CTDSPL2: variants seen among roughly 807,000 people sequenced by gnomAD.
The protein encoded by CTDSPL2 is CTD small phosphatase like 2, also known as CTD small phosphatase-like protein 2.
A neutral mutation model predicts 60.0 loss-of-function variants in CTDSPL2; 5 were observed. That is an observed-to-expected ratio of 0.08 (90% confidence interval 0.04 to 0.18). CTDSPL2 has a LOEUF of 0.18. CTDSPL2 is among the 10% of genes least tolerant of loss of function. CTDSPL2 has a pLI of 1.00. For synonymous variants in CTDSPL2, 186 were observed against 189.3 expected (o/e 0.98, Z 0.14); for missense variants, 370 against 548.8 (o/e 0.67, Z 3.26).
At chr15:44,451,241 G>C (rs1331036900) in intron 1 of CTDSPL2, among the ~76,000 whole-genome samples, 1 of 151,982 alleles carries the variant, frequency 6.6e-6, no homozygotes, top group East Asian at 1.9e-4. Context: ...GCTGAGACTA[G>C]AGGTGTGCAC....
chr15:44,471,775 C>A (rs2080815647), intron 2 of CTDSPL2, among the ~76,000 whole-genome samples: 1 of 152,036 alleles, frequency 6.6e-6, no homozygotes, highest in Admixed American at 6.6e-5. Context: ...TAAATTTCCC[C>A]TTCCTCTCTA....
chr15:44,437,298 G>T (rs545502075), intron 1 of CTDSPL2, among the ~76,000 whole-genome samples: 1 of 152,174 alleles, frequency 6.6e-6, no homozygotes, highest in Non-Finnish European at 1.5e-5. Context: ...AATTTGTTGA[G>T]AATTCTTCAT....
At chr15:44,429,455 T>C (rs1273660897) in intron 1 of CTDSPL2, among the ~76,000 whole-genome samples, 1 of 152,228 alleles carries the variant, frequency 6.6e-6, no homozygotes, top group Non-Finnish European at 1.5e-5. Flanking sequence ...TTAATAAAAA[T>C]TAGTTTGCAG....
At chr15:44,431,426 AT>A (rs1280341510) in intron 1 of CTDSPL2, among the ~76,000 whole-genome samples, 1 of 152,246 alleles carries the variant, frequency 6.6e-6, no homozygotes, top group African/African-American at 2.4e-5. Context: ...ACTATATTAA[AT>A]TGTAATTGGA....
At chr15:44,447,083 T>G (rs1217672607) in intron 1 of CTDSPL2, among the ~76,000 whole-genome samples, 2 of 152,226 alleles carry the variant, frequency 1.3e-5, no homozygotes, top group Admixed American at 6.5e-5. Context: ...TTATTTATAT[T>G]GAAATTATGT....
intron 2 of CTDSPL2, among the ~76,000 whole-genome samples, chr15:44,469,136 T>C (rs2080755236): frequency 6.6e-6 from 1 of 152,198 alleles, no homozygotes; most frequent in Non-Finnish European, 1.5e-5. Flanking sequence ...TAGGTGTATA[T>C]ATATGGAGGA....
rs528408818 is a variant in CTDSPL2 at position 44,466,000 on chromosome 15, T to C, written c.186+6800T>C. ...CCCAGGCTGGAGTGCAGTGGGACCA[T>C]GTTGGCTCACTGCAACCTCCATCTC... On this transcript the variant is annotated intron_variant, in intron 2 of 12. Coordinates refer to ENST00000260327, the MANE Select transcript of CTDSPL2 (RefSeq NM_016396.3). Among the ~76,000 whole-genome samples, 3 of 151,888 alleles carry C rather than the reference T, an allele frequency of 2.0e-5. No homozygotes were observed. The South Asian group carries it at 6.2e-4, about 32-fold the overall frequency.
At chr15:44,493,801 A>C (rs1487891582) in intron 5 of CTDSPL2, among the ~76,000 whole-genome samples, 7 of 152,224 alleles carry the variant, frequency 4.6e-5, no homozygotes, top group African/African-American at 1.7e-4. Context: ...CCTGTCTCAA[A>C]AAATAATAAT....
At chr15:44,429,695 A>G (rs1312253754) in intron 1 of CTDSPL2, among the ~76,000 whole-genome samples, 1 of 152,082 alleles carries the variant, frequency 6.6e-6, no homozygotes, top group Non-Finnish European at 1.5e-5. Flanking sequence ...GTGAAACTCC[A>G]TCTCTACTAA....
chr15:44,498,106 T>C (rs2081331421), intron 7 of CTDSPL2, among the ~76,000 whole-genome samples: 1 of 152,232 alleles, frequency 6.6e-6, no homozygotes, highest in Non-Finnish European at 1.5e-5. Flanking sequence ...TGCCTCTTGA[T>C]TTCTTATTAA....
chr15:44,459,995 C>G (rs1323610054), intron 2 of CTDSPL2, among the ~76,000 whole-genome samples: 3 of 152,284 alleles, frequency 2.0e-5, no homozygotes, highest in South Asian at 2.1e-4. Context: ...TCATTTACCC[C>G]CCAAGCCTCA....
intron 2 of CTDSPL2, among the ~76,000 whole-genome samples, chr15:44,463,999 A>G (rs538064232): frequency 1.3e-5 from 2 of 152,306 alleles, no homozygotes; most frequent in Admixed American, 6.5e-5. Flanking sequence ...GTGAAGACCA[A>G]TACGACAGCT....
intron 1 of CTDSPL2, among the ~76,000 whole-genome samples, chr15:44,435,868 AAGTGCT>A (rs1265532940): frequency 2.0e-5 from 3 of 152,090 alleles, no homozygotes; most frequent in Admixed American, 6.6e-5. Flanking sequence ...CGGCCTCCCA[AAGTGCT>A]GGGATTACAG....
intron 8 of CTDSPL2, among the ~76,000 whole-genome samples, chr15:44,503,123 C>A (rs944968585): frequency 6.6e-6 from 1 of 151,974 alleles, no homozygotes; most frequent in Non-Finnish European, 1.5e-5. Context: ...GATAAAAAGT[C>A]ATTTGAAAGA....
At chr15:44,485,540 T>C (rs2081103233) in intron 3 of CTDSPL2, among the ~76,000 whole-genome samples, 1 of 152,198 alleles carries the variant, frequency 6.6e-6, no homozygotes, top group Admixed American at 6.5e-5. Flanking sequence ...GTAGGGTTCG[T>C]GTTCCTAAAA....
intron 1 of CTDSPL2, among the ~76,000 whole-genome samples, chr15:44,451,038 A>G (rs2080325680): frequency 6.6e-6 from 1 of 152,182 alleles, no homozygotes; most frequent in Non-Finnish European, 1.5e-5. Flanking sequence ...TACCCACATT[A>G]TCAGTCATTT....
At chr15:44,434,655 C>T (rs1375316159) in intron 1 of CTDSPL2, among the ~76,000 whole-genome samples, 3 of 152,124 alleles carry the variant, frequency 2.0e-5, no homozygotes, top group African/African-American at 7.2e-5. Context: ...GTGGGCCTTC[C>T]AAAGTGCTGA....
chr15:44,445,017 A>G (rs2080179919), intron 1 of CTDSPL2, among the ~76,000 whole-genome samples: 5 of 149,690 alleles, frequency 3.3e-5, no homozygotes, highest in Admixed American at 3.3e-4. Context: ...TTTTTTTTAT[A>G]TTTTTAGTAG....
At chr15:44,448,321 C>T (rs1362684699) in intron 1 of CTDSPL2, 7 of 268,592 alleles carry the variant, frequency 2.6e-5, no homozygotes, top group Non-Finnish European at 5.3e-5. Flanking sequence ...CATGCGCTCC[C>T]TGTGGGAGCC....
Sources: allele counts gnomAD v4.1 joint callset (sites outside exome capture counted in the v4.1 genomes callset), GRCh38; gene constraint gnomAD v4.1.1; transcripts MANE v1.5; gene names NCBI Gene and HGNC (gene_info 2026-07-23, HGNC 2026-07-21).